SYT10: variants seen among roughly 807,000 people sequenced by gnomAD.
The protein encoded by SYT10 is synaptotagmin 10.
Under a neutral mutation model 51.1 loss-of-function variants are expected in SYT10, and 31 were observed. That is an observed-to-expected ratio of 0.61 (90% CI 0.46 to 0.82). The LOEUF (loss-of-function observed/expected upper bound fraction) is 0.82, where lower values mean the gene tolerates loss of function less well. SYT10 is among the 40% of genes least tolerant of loss of function. SYT10 has a pLI of 0.00. For synonymous variants in SYT10, 233 were observed against 225.9 expected (o/e 1.03, Z -0.28); for missense variants, 603 against 634.0 (o/e 0.95, Z 0.53).
chr12:33,397,665 G>C (rs1176010042), intron 3 of SYT10, among the ~76,000 whole-genome samples: 3 of 152,044 alleles, frequency 2.0e-5, no homozygotes, highest in South Asian at 2.1e-4. Flanking sequence ...GGTTTTATAA[G>C]ATGCAGACTG....
intron 4 of SYT10, among the ~76,000 whole-genome samples, chr12:33,382,800 G>A (rs767396390): frequency 8.5e-5 from 13 of 152,122 alleles, no homozygotes; most frequent in Non-Finnish European, 1.3e-4. Context: ...ATTAGAAAGC[G>A]AAAGCTATAC....
At chr12:33,394,931 C>CA (rs1444059260) in intron 3 of SYT10, among the ~76,000 whole-genome samples, 1 of 151,940 alleles carries the variant, frequency 6.6e-6, no homozygotes, top group East Asian at 1.9e-4. Flanking sequence ...ACTAAAAACA[C>CA]AAAAAAATTA....
At chr12:33,411,174 T>C (rs1197667272) in intron 2 of SYT10, among the ~76,000 whole-genome samples, 1 of 152,218 alleles carries the variant, frequency 6.6e-6, no homozygotes, top group Non-Finnish European at 1.5e-5. Context: ...TTAATGGTTA[T>C]CCTATTTGAT....
At chr12:33,435,058 G>T (rs1281422723) in intron 1 of SYT10, among the ~76,000 whole-genome samples, 2 of 152,078 alleles carry the variant, frequency 1.3e-5, no homozygotes, top group Non-Finnish European at 2.9e-5. Context: ...TCTTCTGCCA[G>T]AATTTTGTAT....
intron 3 of SYT10, among the ~76,000 whole-genome samples, chr12:33,387,527 T>C (rs1197881453): frequency 1.3e-5 from 2 of 152,160 alleles, no homozygotes; most frequent in African/African-American, 4.8e-5. Flanking sequence ...AAGTACTGGA[T>C]AAATGAAAAG....
At chr12:33,395,617 C>T (rs1866249434) in intron 3 of SYT10, among the ~76,000 whole-genome samples, 1 of 152,138 alleles carries the variant, frequency 6.6e-6, no homozygotes, top group Admixed American at 6.5e-5. Flanking sequence ...ATTGCCTGGA[C>T]ATTTTCTGAA....
At position 33,439,806 on chromosome 12, in the gene SYT10, A is replaced by T; in HGVS notation, c.-284T>A. The T allele has an allele frequency of 2.3e-6, 1 of 441,956 alleles. No individual in the cohort carries two copies. Among genetic ancestry groups the T allele is most frequent in the Non-Finnish European group, 4.1e-6 (1 of 246,314 alleles). The allele number at this position is 441,956 out of a possible 1,614,324, so 27.4% of individuals were successfully genotyped here. A position where few individuals can be genotyped will look rare whatever the true frequency, so the allele number is the denominator to read the frequency against. ...GAGCCGAGGCGCGCTGGAACTAGAG[A>T]CCCGGCATGGAGTGCTGAGGGGAGG... On this transcript the variant is annotated 5_prime_UTR_variant, in exon 1 of 7. Transcript: ENST00000228567.
At chr12:33,433,658 C>G (rs1215859243) in intron 1 of SYT10, among the ~76,000 whole-genome samples, 1 of 151,782 alleles carries the variant, frequency 6.6e-6, no homozygotes, top group Non-Finnish European at 1.5e-5. Flanking sequence ...TGTGCATAGT[C>G]AAGTAAGAAA....
Position 33,432,755 on chromosome 12 carries a change from A to G in SYT10, c.152-6260T>C, listed in dbSNP as rs1591999543. The G allele has an allele frequency of 5.3e-5, 8 of 152,228 alleles. No homozygotes were observed. The South Asian group carries it at 1.2e-3, about 24-fold the overall frequency. 9.4% of individuals were successfully genotyped at this position (152,228 alleles called of 1,614,324 possible). ...GACATTTACAAGGTTTTAAAAATTGACTGTCATGTTATCTAGTCAACAATG... is the reference window on the plus strand; with the variant it reads ...GACATTTACAAGGTTTTAAAAATTGGCTGTCATGTTATCTAGTCAACAATG... On this transcript the variant is annotated intron_variant, in intron 1 of 6. Transcript: ENST00000228567.
chr12:33,431,099 G>A (rs187584617), intron 1 of SYT10, among the ~76,000 whole-genome samples: 33 of 152,192 alleles, frequency 2.2e-4, no homozygotes, highest in African/African-American at 7.2e-4. Flanking sequence ...GCTTCTCTTT[G>A]AAGTCCAAGA....
intron 3 of SYT10, among the ~76,000 whole-genome samples, chr12:33,403,919 CATT>C (rs1349823551): frequency 2.0e-5 from 3 of 152,214 alleles, no homozygotes; most frequent in African/African-American, 7.2e-5. Flanking sequence ...ATTTAGGTTT[CATT>C]ATTATGTTCC....
rs560027805 is a variant in SYT10, at chr12:33,393,005, A to G, written c.1078-7714T>C. Among the ~76,000 whole-genome samples the G allele has an allele frequency of 7.0e-3, 1,052 of 149,570 alleles. 14 individuals are homozygous for G. The highest frequency in any genetic ancestry group is 0.012 in the Non-Finnish European group (786 of 67,630). ...GCCATTAAAAAAAAAAAAAAAAAAA[A>G]AAAAAAAAATTGCAAAAACCGCAAT... is the stretch of plus-strand genomic sequence containing the variant. On this transcript the variant is annotated intron_variant, in intron 3 of 6. Transcript: ENST00000228567.
chr12:33,421,335 A>C (rs1866502993), intron 2 of SYT10, among the ~76,000 whole-genome samples: 1 of 152,140 alleles, frequency 6.6e-6, no homozygotes, highest in Non-Finnish European at 1.5e-5. Context: ...TACAGTTCCT[A>C]ATTATTTTCA....
chr12:33,412,697 CA>C (rs1866417365), intron 2 of SYT10, among the ~76,000 whole-genome samples: 1 of 152,094 alleles, frequency 6.6e-6, no homozygotes, highest in Non-Finnish European at 1.5e-5. Flanking sequence ...TCACCATCAT[CA>C]AAGACCAAAG....
chr12:33,379,858 T>C lies in SYT10; in HGVS notation c.1474A>G (p.Ile492Val), dbSNP rs755755759. Residue 492 changes from isoleucine (I) to valine (V), a missense_variant, in exon 6 of 7, where the codon ATA (isoleucine) becomes GTA (valine). Ile to Val is a conservative substitution (Grantham distance 29). Transcript: ENST00000228567. ...NEMLAYHRKP[I>V]THWHPLLELP... ...TCCAGCAATGGGTGCCAGTGCGTTA[T>C]TGGTTTTCGATGATAGGCCAGCATT... The C allele has an allele frequency of 1.1e-5, 17 of 1,613,780 alleles. No homozygotes were observed. The highest frequency in any genetic ancestry group is 6.7e-5 in the East Asian group (3 of 44,860).
chr12:33,402,957 A>G (rs1274920994), intron 3 of SYT10, among the ~76,000 whole-genome samples: 1 of 152,120 alleles, frequency 6.6e-6, no homozygotes, highest in Non-Finnish European at 1.5e-5. Context: ...CAATATGATA[A>G]TAAAGCAAGT....
rs546167573 is a variant in SYT10, at chr12:33,409,400, A to G, written c.510-2044T>C. 4.6e-5 allele frequency among the ~76,000 whole-genome samples: 7 copies of G among 152,174 alleles called. 1 individual carries two copies. In the South Asian group the frequency reaches 1.2e-3, roughly 27 times the overall value. On this transcript the variant is annotated intron_variant, in intron 2 of 6. Transcript: ENST00000228567. Reference sequence around the variant, plus strand: ...CCTGGCTAATTTTTGTATTTTTGGTAGAGATGGGGTTTCACCATGTTGGCC... The same window carrying G: ...CCTGGCTAATTTTTGTATTTTTGGTGGAGATGGGGTTTCACCATGTTGGCC...
intron 1 of SYT10, among the ~76,000 whole-genome samples, chr12:33,439,063 G>A (rs1279954759): frequency 1.3e-5 from 2 of 152,380 alleles, no homozygotes; most frequent in East Asian, 3.9e-4. Context: ...CTCCACTCCG[G>A]GAGGGAGATG....
At position 33,395,305 on chromosome 12, in the gene SYT10, C is replaced by G. The variant is rs372549887; in HGVS notation, c.1078-10014G>C. On this transcript the variant is annotated intron_variant, in intron 3 of 6. Transcript: ENST00000228567. ...GTTACAGAGGAGGAGAAGAATTATT[C>G]TGAACATTTGCATTTAAAAAGCATC... 1.5e-3 allele frequency among the ~76,000 whole-genome samples: 222 copies of G among 152,270 alleles called. 4 individuals carry two copies. In the South Asian group the frequency reaches 0.045, roughly 31 times the overall value.
Sources: allele counts gnomAD v4.1 joint callset (sites outside exome capture counted in the v4.1 genomes callset), GRCh38; gene constraint gnomAD v4.1.1; transcripts MANE v1.5; gene names NCBI Gene and HGNC (gene_info 2026-07-23, HGNC 2026-07-21).